Variants in SLC22A24 observed in about 807,000 individuals in gnomAD.
SLC22A24 encodes steroid transmembrane transporter SLC22A24.
Under a neutral mutation model 49.8 loss-of-function variants are expected in SLC22A24, and 53 were observed. The ratio of observed to expected loss-of-function variants is 1.06; its 90% CI spans 0.85 to 1.34. The LOEUF (loss-of-function observed/expected upper bound fraction) is 1.34. Among genes scored for constraint, SLC22A24 ranks in the 40% most tolerant of loss-of-function variants. The pLI is 0.00. For synonymous variants in SLC22A24, 302 were observed against 256.4 expected (o/e 1.18, Z -1.70); for missense variants, 786 against 675.9 (o/e 1.16, Z -1.81).
At chr11:63,127,080 C>G (rs920659034) in intron 2 of SLC22A24, among the ~76,000 whole-genome samples, 17 of 152,082 alleles carry the variant, frequency 1.1e-4, no homozygotes, top group African/African-American at 3.6e-4. Context: ...CTGCACCCAT[C>G]AAGTCGTCAT....
chr11:63,130,653 C>G (rs1174534626), intron 2 of SLC22A24, among the ~76,000 whole-genome samples: 2 of 152,130 alleles, frequency 1.3e-5, no homozygotes. Flanking sequence ...AATTTCAGAG[C>G]CCATTATTGT....
At chr11:63,115,211 G>C (rs938947541) in intron 4 of SLC22A24, among the ~76,000 whole-genome samples, 3 of 152,226 alleles carry the variant, frequency 2.0e-5, no homozygotes, top group Non-Finnish European at 4.4e-5. Context: ...GAGCTGTGGT[G>C]GGCTCCACCC....
chr11:63,098,658 A>G (rs1326698072), intron 5 of SLC22A24, among the ~76,000 whole-genome samples: 1 of 152,038 alleles, frequency 6.6e-6, no homozygotes, highest in African/African-American at 2.4e-5. Flanking sequence ...GTGAGACTCC[A>G]TCTCAAAAAA....
chr11:63,113,081 C>T (rs190589689), intron 4 of SLC22A24, among the ~76,000 whole-genome samples: 258 of 936 alleles, frequency 0.28, 98 homozygotes, highest in African/African-American at 0.32. Context: ...TATATATACA[C>T]ATATATATAC....
Position 63,096,099 on chromosome 11 carries a change from C to T in SLC22A24, c.962G>A (p.Arg321Lys). 1 of 1,547,512 alleles carries T rather than the reference C, an allele frequency of 6.5e-7. No individual in the cohort carries two copies. The highest frequency in any genetic ancestry group is 8.7e-7 in the Non-Finnish European group (1 of 1,143,450). Residue 321 changes from arginine to lysine, a missense_variant, in exon 6 of 10, where the codon AGA (arginine) becomes AAA (lysine). Transcript: ENST00000612278. ...ATCCAACTCCTTCTTCATGGTGGAT[C>T]TCACAAGCTTCAGCAACAAAAATAA... ...TEETLTTELV[R>K]STMKKELDAV... is the part of the protein sequence containing the mutation.
At chr11:63,107,633 T>C (rs1047081157) in intron 4 of SLC22A24, among the ~76,000 whole-genome samples, 4 of 152,198 alleles carry the variant, frequency 2.6e-5, no homozygotes, top group African/African-American at 9.7e-5. Flanking sequence ...CAGTTCTCCT[T>C]GAAAAGTACT....
intron 2 of SLC22A24, among the ~76,000 whole-genome samples, chr11:63,132,878 C>T (rs1377856478): frequency 1.3e-5 from 2 of 152,196 alleles, no homozygotes; most frequent in African/African-American, 2.4e-5. Flanking sequence ...AAGCTGTCTG[C>T]TGCCTTTTGT....
intron 9 of SLC22A24, 50 bp from the exon 10 acceptor site, chr11:63,080,050 A>G: frequency 1.6e-6 from 2 of 1,242,586 alleles, no homozygotes; most frequent in Admixed American, 2.0e-5. Context: ...CAAAAAATAA[A>G]TAAGATATAG....
intron 6 of SLC22A24, among the ~76,000 whole-genome samples, chr11:63,087,525 A>C (rs1357341168): frequency 2.0e-5 from 3 of 152,224 alleles, no homozygotes; most frequent in African/African-American, 7.2e-5. Context: ...TAGCTGCAGC[A>C]GTATTTTTTC....
intron 4 of SLC22A24, among the ~76,000 whole-genome samples, chr11:63,111,292 G>A (rs191906519): frequency 4.6e-5 from 7 of 151,854 alleles, no homozygotes; most frequent in East Asian, 1.9e-4. Context: ...TTCATCAAGG[G>A]TATTGGTCTA....
chr11:63,138,842 T>C (rs2087394431), intron 1 of SLC22A24, among the ~76,000 whole-genome samples: 1 of 151,604 alleles, frequency 6.6e-6, no homozygotes, highest in Non-Finnish European at 1.5e-5. Context: ...AATAAGGTTT[T>C]TTCCCCCCCA....
Position 63,107,634 on chromosome 11 carries a change from G to C in SLC22A24, c.831-3336C>G, listed in dbSNP as rs548072106. On this transcript the variant is annotated intron_variant, in intron 4 of 9. Coordinates refer to ENST00000612278, the MANE Select transcript of SLC22A24 (RefSeq NM_001136506.2). ...TGAGCAGTGGTTTGCAGTTCTCCTTGAAAAGTACTGTCACATCCCTTGTAA... is the reference window on the plus strand; with the variant it reads ...TGAGCAGTGGTTTGCAGTTCTCCTTCAAAAGTACTGTCACATCCCTTGTAA... 2.0e-5 allele frequency among the ~76,000 whole-genome samples: 3 copies of C among 152,148 alleles called. No individual in the cohort carries two copies. In the East Asian group the frequency reaches 5.8e-4, roughly 29 times the overall value.
At chr11:63,081,208 C>T in intron 8 of SLC22A24, 85 bp from the exon 9 acceptor site, 1 of 1,147,106 alleles carries the variant, frequency 8.7e-7, no homozygotes. Flanking sequence ...TTATGGGGAC[C>T]AGTACAACAG....
chr11:63,132,231 T>G (rs2087341767), intron 2 of SLC22A24, among the ~76,000 whole-genome samples: 1 of 152,166 alleles, frequency 6.6e-6, no homozygotes, highest in African/African-American at 2.4e-5. Flanking sequence ...AGAACATGCT[T>G]CTTTAGCTTG....
chr11:63,081,723 A>C, intron 7 of SLC22A24, 57 bp from the exon 8 acceptor site: 1 of 1,137,520 alleles, frequency 8.8e-7, no homozygotes. Flanking sequence ...TCAACCCCCA[A>C]ATAATTGTAA....
intron 2 of SLC22A24, among the ~76,000 whole-genome samples, chr11:63,126,255 T>C (rs1193022600): frequency 6.6e-6 from 1 of 152,180 alleles, no homozygotes; most frequent in Non-Finnish European, 1.5e-5. Flanking sequence ...CTGAATGGTA[T>C]TGACTAGGTT....
At chr11:63,087,544 G>T (rs1327336866) in intron 6 of SLC22A24, among the ~76,000 whole-genome samples, 1 of 152,152 alleles carries the variant, frequency 6.6e-6, no homozygotes, top group Admixed American at 6.5e-5. Context: ...TCATATTCCA[G>T]TGGTGCCTGG....
At chr11:63,091,161 T>A (rs1297855070) in intron 6 of SLC22A24, among the ~76,000 whole-genome samples, 1 of 152,028 alleles carries the variant, frequency 6.6e-6, no homozygotes, top group East Asian at 1.9e-4. Flanking sequence ...CTAGAAGAAA[T>A]GAATAAATTT....
chr11:63,143,455 T>G lies in SLC22A24; in HGVS notation c.325A>C (p.Asn109His), dbSNP rs1277468750. 1 of 1,585,800 alleles carries G rather than the reference T, an allele frequency of 6.3e-7. No individual in the cohort carries two copies. The highest frequency in any genetic ancestry group is 1.4e-5 in the African/African-American group (1 of 73,592). ...ACACAGGGCTCCGTGTCTGGCTCAT[T>G]TGTGTTGGGGAAGGTCCCGTTCAGG... The part of the protein sequence containing the change: ...LHLNGTFPNT[N>H]EPDTEPCVDG... The change falls in exon 1 of 10, where the codon AAT (asparagine) becomes CAT (histidine). Residue 109 changes from asparagine to histidine, a missense_variant. Transcript: ENST00000612278.
Sources: gnomAD v4.1 joint callset for allele counts (sites outside exome capture counted in the v4.1 genomes callset) on GRCh38, gnomAD v4.1.1 for gene constraint, MANE v1.5 for transcripts, NCBI Gene and HGNC (gene_info 2026-07-23, HGNC 2026-07-21) for gene names.